Variants in GPLD1 observed in about 807,000 individuals in gnomAD.
GPLD1 encodes the protein phosphatidylinositol-glycan-specific phospholipase D.
Under a neutral mutation model 112.6 loss-of-function variants are expected in GPLD1, and 84 were observed. The observed-to-expected ratio is 0.75, with a 90% CI of 0.63 to 0.89. GPLD1 has a LOEUF of 0.89. Among genes scored for constraint, GPLD1 ranks in the 40% least tolerant of loss-of-function variants. GPLD1 has a pLI of 0.00. For missense variants in GPLD1, 1,044 were observed against 1,051.5 expected (o/e 0.99, Z 0.10); for synonymous variants, 386 against 403.8 (o/e 0.96, Z 0.53).
chr6:24,463,319 A>G (rs1403876429), intron 10 of GPLD1, among the ~76,000 whole-genome samples: 2 of 152,230 alleles, frequency 1.3e-5, no homozygotes, highest in Non-Finnish European at 2.9e-5. Context: ...ACTGAACAGA[A>G]GCACTGAGGA....
chr6:24,493,736 A>C (rs1764616371), upstream of GPLD1, among the ~76,000 whole-genome samples: 1 of 152,214 alleles, frequency 6.6e-6, no homozygotes, highest in African/African-American at 2.4e-5. Flanking sequence ...AACTCAATGG[A>C]TCTGACTCAG....
intron 1 of GPLD1, among the ~76,000 whole-genome samples, chr6:24,488,985 C>A: frequency 6.6e-6 from 1 of 152,150 alleles, no homozygotes; most frequent in East Asian, 1.9e-4. Flanking sequence ...CTCCCATGGC[C>A]ACATATGGCT....
chr6:24,424,372 C>A (rs1353411671), downstream of GPLD1: 4 of 152,104 alleles, frequency 2.6e-5, no homozygotes, highest in Admixed American at 6.6e-5. Context: ...GGAAGTATTT[C>A]CATTCTGTTA....
intron 15 of GPLD1, 124 bp from the exon 16 acceptor site, chr6:24,448,332 T>C: frequency 4.9e-6 from 2 of 412,008 alleles, no homozygotes; most frequent in Middle Eastern, 3.8e-4. Flanking sequence ...ATAATCCCAG[T>C]GCTTTGGGAG....
chr6:24,458,027 G>A (rs763732476), intron 12 of GPLD1, among the ~76,000 whole-genome samples: 5 of 151,836 alleles, frequency 3.3e-5, no homozygotes, highest in African/African-American at 4.8e-5. Flanking sequence ...ATGCTGAATC[G>A]TTCTTAATGT....
chr6:24,439,495 C>T (rs1337122531), intron 20 of GPLD1, among the ~76,000 whole-genome samples: 9 of 152,134 alleles, frequency 5.9e-5, no homozygotes, highest in African/African-American at 2.2e-4. Flanking sequence ...ATCTCTAACA[C>T]GCATCACAGT....
At chr6:24,437,053 G>A in intron 21 of GPLD1, 60 bp downstream of exon 21, 2 of 1,481,220 alleles carry the variant, frequency 1.4e-6, no homozygotes, top group Non-Finnish European at 1.9e-6. Context: ...CCCAATTAGG[G>A]GACCCACCCC....
intron 10 of GPLD1, among the ~76,000 whole-genome samples, chr6:24,465,818 G>A (rs139115463): frequency 7.9e-5 from 12 of 152,222 alleles, no homozygotes; most frequent in Non-Finnish European, 1.6e-4. Context: ...AATTTCAACA[G>A]AATGTTTTAC....
chr6:24,440,131 T>C (rs1330267226), intron 20 of GPLD1, among the ~76,000 whole-genome samples: 1 of 152,202 alleles, frequency 6.6e-6, no homozygotes, highest in Non-Finnish European at 1.5e-5. Flanking sequence ...GGATATCATC[T>C]TGTAATGTGG....
intron 24 of GPLD1, 137 bp downstream of exon 24, chr6:24,433,050 A>G: frequency 1.3e-6 from 1 of 752,956 alleles, no homozygotes; most frequent in East Asian, 2.5e-5. Context: ...ATGAGATTAT[A>G]TGTGAATGTT....
chr6:24,463,655 G>T (rs1684886489), intron 10 of GPLD1, among the ~76,000 whole-genome samples: 1 of 152,170 alleles, frequency 6.6e-6, no homozygotes, highest in African/African-American at 2.4e-5. Flanking sequence ...AGAGTTCTTG[G>T]CAATGTAACT....
At chr6:24,444,768 T>G (rs1413748056) in intron 20 of GPLD1, among the ~76,000 whole-genome samples, 1 of 152,094 alleles carries the variant, frequency 6.6e-6, no homozygotes, top group African/African-American at 2.4e-5. Context: ...AAGGTTCACT[T>G]TGCCCAGGAG....
chr6:24,431,248 A>AC (rs1042723607), intron 24 of GPLD1, among the ~76,000 whole-genome samples: 1 of 151,968 alleles, frequency 6.6e-6, no homozygotes, highest in African/African-American at 2.4e-5. Flanking sequence ...CCCACCTTCC[A>AC]CCCTGGTCCA....
chr6:24,443,975 G>A (rs537823946), intron 20 of GPLD1, among the ~76,000 whole-genome samples: 36 of 152,196 alleles, frequency 2.4e-4, no homozygotes, highest in African/African-American at 8.7e-4. Context: ...CACCCCGCCT[G>A]TCTGACCCAC....
At chr6:24,425,743 CTG>C (rs1205818876), downstream of GPLD1, 1 of 152,210 alleles carries the variant, frequency 6.6e-6, no homozygotes, top group East Asian at 1.9e-4. Context: ...AGGTGTGATA[CTG>C]TCTTTGGAAG....
chr6:24,467,901 T>C (rs116227174), intron 7 of GPLD1, among the ~76,000 whole-genome samples: 5,425 of 151,938 alleles, frequency 0.036, 309 homozygotes, highest in African/African-American at 0.12. Flanking sequence ...TGTTTTTGTT[T>C]TCTGTTTTTT....
At chr6:24,487,905 T>A (rs1764429339) in intron 1 of GPLD1, among the ~76,000 whole-genome samples, 1 of 152,196 alleles carries the variant, frequency 6.6e-6, no homozygotes, top group Admixed American at 6.5e-5. Flanking sequence ...AGTTTCTTCA[T>A]CTGTAAAAGA....
At chr6:24,490,273 G>T (rs114662211), upstream of GPLD1, among the ~76,000 whole-genome samples, 3 of 152,120 alleles carry the variant, frequency 2.0e-5, no homozygotes, top group East Asian at 3.8e-4. Flanking sequence ...TTAAGCTCAC[G>T]ATATATTATC....
intron 13 of GPLD1, among the ~76,000 whole-genome samples, chr6:24,454,802 AT>A (rs1285351389): frequency 6.6e-6 from 1 of 152,226 alleles, no homozygotes; most frequent in Non-Finnish European, 1.5e-5. Context: ...ACCAAAAGTC[AT>A]TTGTTTATTC....
Sources: gnomAD v4.1 joint callset for allele counts (sites outside exome capture counted in the v4.1 genomes callset) on GRCh38, gnomAD v4.1.1 for gene constraint, MANE v1.5 for transcripts, NCBI Gene and HGNC (gene_info 2026-07-23, HGNC 2026-07-21) for gene names.